SNORC: variants seen among roughly 807,000 people sequenced by gnomAD.
SNORC encodes protein SNORC.
Under a neutral mutation model 9.7 loss-of-function variants are expected in SNORC, and 11 were observed. The observed-to-expected ratio is 1.14, with a 90% CI of 0.72 to 1.88. SNORC has a LOEUF of 1.88. Ranked by LOEUF, SNORC falls within the 40% of genes most tolerant of loss-of-function variation. SNORC has a pLI of 0.00. For missense variants in SNORC, 197 were observed against 173.1 expected (o/e 1.14, Z -0.77); for synonymous variants, 108 against 88.7 (o/e 1.22, Z -1.22).
intron 1 of SNORC, among the ~76,000 whole-genome samples, chr2:232,872,755 T>C (rs1464929751): frequency 3.3e-5 from 5 of 152,174 alleles, no homozygotes; most frequent in Admixed American, 1.3e-4. Context: ...GGGAAACTGC[T>C]CTGCTCCCAG....
intron 1 of SNORC, 191 bp from the exon 2 acceptor site, chr2:232,875,749 G>A: frequency 1.6e-6 from 1 of 616,910 alleles, no homozygotes; most frequent in Non-Finnish European, 2.7e-6. Context: ...CCCACCCACC[G>A]GCCCTGCCCA....
In SNORC at chr2:232,876,155, G is replaced by A; in HGVS notation, c.256+33G>A. 1.9e-6 allele frequency: 1 copy of A among 525,400 alleles called. No homozygotes were observed. The highest frequency in any genetic ancestry group is 3.1e-6 in the Non-Finnish European group (1 of 321,272). 32.5% of individuals were successfully genotyped at this position (525,400 alleles called of 1,614,324 possible). ...CGGGGCGGGGGAGGGAGGGGAGAGGGAGAAATTAGGAGGGGCGGGGGGCGG... is the reference window on the plus strand; with the variant it reads ...CGGGGCGGGGGAGGGAGGGGAGAGGAAGAAATTAGGAGGGGCGGGGGGCGG... On this transcript the variant is annotated intron_variant, in intron 2 of 2. Coordinates refer to ENST00000331342, the Ensembl canonical transcript of SNORC. The surrounding 1 kb of genome is among the most constrained non-coding windows in gnomAD (Gnocchi z 6.8).
chr2:232,875,779 T>G (rs1334329315), intron 1 of SNORC, 161 bp from the exon 2 acceptor site: 1 of 776,552 alleles, frequency 1.3e-6, no homozygotes, highest in Non-Finnish European at 2.0e-6. Flanking sequence ...AGCAACGCAC[T>G]GGCTTCAGCT....
downstream of SNORC, chr2:232,877,154 C>A (rs560878743): frequency 7.1e-6 from 7 of 985,604 alleles, no homozygotes; most frequent in South Asian, 1.9e-4. Context: ...CGAGAGTCGA[C>A]GCCGGACACG....
chr2:232,868,658 C>A (rs990192495), upstream of SNORC, among the ~76,000 whole-genome samples: 1 of 152,226 alleles, frequency 6.6e-6, no homozygotes, highest in Non-Finnish European at 1.5e-5. Context: ...AAATCCACCC[C>A]AACATTCCTT....
At chr2:232,877,382 T>C (rs1691312844), downstream of SNORC, 2 of 984,486 alleles carry the variant, frequency 2.0e-6, no homozygotes, top group Admixed American at 1.2e-4. Context: ...TTTGATCATT[T>C]AACCTGCTCA....
chr2:232,866,830 C>T (rs368535702), upstream of SNORC, among the ~76,000 whole-genome samples: 20 of 152,334 alleles, frequency 1.3e-4, 1 homozygote, highest in South Asian at 4.1e-3. Context: ...TCTCCTGCCT[C>T]AGCCTCCTGA....
upstream of SNORC, among the ~76,000 whole-genome samples, chr2:232,867,935 T>C (rs1690908377): frequency 1.3e-5 from 2 of 152,202 alleles, no homozygotes; most frequent in Non-Finnish European, 2.9e-5. Context: ...TGTCTGTACT[T>C]GTGGCCATCT....
chr2:232,871,606 G>A (rs184837616), intron 1 of SNORC, among the ~76,000 whole-genome samples: 10 of 152,324 alleles, frequency 6.6e-5, no homozygotes, highest in Admixed American at 3.3e-4. Context: ...ACTTCCTCCC[G>A]CAAGCTGGGA....
chr2:232,872,524 TCAGAGCGCGTAGC>T (rs1691065378), intron 1 of SNORC, among the ~76,000 whole-genome samples: 1 of 152,154 alleles, frequency 6.6e-6, no homozygotes, highest in Non-Finnish European at 1.5e-5. Flanking sequence ...CTTCCCTGGG[TCAGAGCGCGTAGC>T]CACACCACAT....
At chr2:232,876,922 A>T, downstream of SNORC, 1 of 984,818 alleles carries the variant, frequency 1.0e-6, no homozygotes, top group Non-Finnish European at 1.2e-6. The surrounding 1 kb of genome is among the most constrained non-coding windows in gnomAD (Gnocchi z 6.8). Flanking sequence ...TTCCGTGAGG[A>T]GGTAAGCGCT....
At chr2:232,872,450 G>C (rs1431979868) in intron 1 of SNORC, among the ~76,000 whole-genome samples, 1 of 152,204 alleles carries the variant, frequency 6.6e-6, no homozygotes, top group Non-Finnish European at 1.5e-5. Context: ...CAGGGCGGCT[G>C]GGGCCAGTGG....
At chr2:232,867,439 A>G (rs1243038258), upstream of SNORC, among the ~76,000 whole-genome samples, 1 of 152,212 alleles carries the variant, frequency 6.6e-6, no homozygotes, top group South Asian at 2.1e-4. Context: ...ATAAAAATAC[A>G]TATGTATAGT....
chr2:232,877,335 C>G (rs1419644308), downstream of SNORC: 2 of 985,324 alleles, frequency 2.0e-6, no homozygotes, highest in African/African-American at 3.5e-5. Context: ...TCCAGGGTCC[C>G]CACCTCGGAA....
chr2:232,868,255 C>T (rs146435607), upstream of SNORC, among the ~76,000 whole-genome samples: 3 of 151,948 alleles, frequency 2.0e-5, no homozygotes, highest in Middle Eastern at 3.4e-3. Flanking sequence ...CACCACCATG[C>T]CTGGCTAATT....
At chr2:232,866,737 G>A (rs1015139316), upstream of SNORC, among the ~76,000 whole-genome samples, 2 of 151,906 alleles carry the variant, frequency 1.3e-5, no homozygotes, top group East Asian at 1.9e-4. Flanking sequence ...GTTTTGATGT[G>A]GAGTCTTGTT....
downstream of SNORC, chr2:232,876,930 G>A: frequency 1.0e-6 from 1 of 985,404 alleles, no homozygotes; most frequent in Non-Finnish European, 1.2e-6. The surrounding 1 kb of genome is among the most constrained non-coding windows in gnomAD (Gnocchi z 6.8). Flanking sequence ...GGAGGTAAGC[G>A]CTAGGGCAGG....
At chr2:232,866,489 GT>G (rs1690882997), upstream of SNORC, among the ~76,000 whole-genome samples, 1 of 152,194 alleles carries the variant, frequency 6.6e-6, no homozygotes, top group Non-Finnish European at 1.5e-5. Context: ...TGCTTGGCAT[GT>G]TTTGTGGACC....
downstream of SNORC, chr2:232,878,262 T>TG (rs907558972): frequency 1.7e-4 from 26 of 152,722 alleles, no homozygotes; most frequent in African/African-American, 5.5e-4. Context: ...CACACTGAGG[T>TG]GGAGCTGGGG....
Sources: gnomAD v4.1 joint callset for allele counts (sites outside exome capture counted in the v4.1 genomes callset) on GRCh38, gnomAD v4.1.1 for gene constraint, Gnocchi (gnomAD v3.1) non-coding constraint, MANE v1.5 for transcripts, NCBI Gene and HGNC (gene_info 2026-07-23, HGNC 2026-07-21) for gene names.